The following SERGEF variants were observed in gnomAD, a reference collection of about 807,000 sequenced individuals.
SERGEF encodes secretion-regulating guanine nucleotide exchange factor.
A neutral mutation model predicts 50.0 loss-of-function variants in SERGEF; 51 were observed. The observed-to-expected ratio is 1.02, with a 90% CI of 0.81 to 1.29. SERGEF has a LOEUF of 1.29. SERGEF is among the 50% of genes most tolerant of loss of function. The pLI is 0.00. For synonymous variants in SERGEF, 205 were observed against 212.4 expected (o/e 0.97, Z 0.30); for missense variants, 521 against 557.0 (o/e 0.94, Z 0.65).
In SERGEF at chr11:18,004,488, C is replaced by T; in HGVS notation, c.400G>A (p.Gly134Arg). 1 of 1,613,960 alleles carries T rather than the reference C, an allele frequency of 6.2e-7. No individual in the cohort carries two copies. Among genetic ancestry groups the T allele is most frequent in the Non-Finnish European group, 8.5e-7 (1 of 1,179,930 alleles). Residue 134 changes from glycine to arginine, a missense_variant, in exon 4 of 11, where the codon GGA becomes AGA. Gly to Arg is a moderately radical substitution (Grantham distance 125, BLOSUM62 -2). Coordinates refer to ENST00000265965, the MANE Select transcript of SERGEF (RefSeq NM_012139.4). The part of the protein sequence containing the change: ...SCGSNSFGQL[G>R]VPHGPRRCVV... The stretch of plus-strand genomic sequence containing the variant: ...CATCTTCGAGGTCCATGAGGAACTC[C>T]TAACTGGCCAAAGGAGTTGGATCCA...
At position 18,004,482 on chromosome 11, in the gene SERGEF, G is replaced by T. The variant is rs562948295; in HGVS notation, c.406C>A (p.Pro136Thr). The change falls in exon 4 of 11, where the codon CCT (proline) becomes ACT (threonine). Residue 136 changes from proline (P) to threonine (T), a missense_variant. By Grantham distance (38) the Pro-to-Thr change is conservative (BLOSUM62 -1). Transcript: ENST00000265965. ...ACCACACATCTTCGAGGTCCATGAG[G>T]AACTCCTAACTGGCCAAAGGAGTTG... ...GSNSFGQLGV[P>T]HGPRRCVVPQ... is the part of the protein sequence containing the mutation. 2.5e-6 allele frequency: 4 copies of T among 1,613,942 alleles called. 1 individual carries two copies. In the South Asian group the frequency reaches 4.4e-5, roughly 18 times the overall value.
At chr11:17,846,836 A>G in intron 10 of SERGEF, 1 of 448,322 alleles carries the variant, frequency 2.2e-6, no homozygotes, top group Non-Finnish European at 4.5e-6. Flanking sequence ...ATAATAGATG[A>G]GCCTCCTAGT....
intron 9 of SERGEF, among the ~76,000 whole-genome samples, chr11:17,880,014 A>G (rs1395038781): frequency 6.6e-6 from 1 of 152,260 alleles, no homozygotes; most frequent in African/African-American, 2.4e-5. Context: ...AGTGTAGCTC[A>G]AAAGGCATTT....
chr11:17,864,593 T>C (rs1265334208), intron 10 of SERGEF, among the ~76,000 whole-genome samples: 1 of 152,120 alleles, frequency 6.6e-6, no homozygotes, highest in African/African-American at 2.4e-5. Flanking sequence ...GAGAGGAAAA[T>C]ATGGTGCCCC....
At chr11:17,827,135 C>G (rs1188954764) in intron 10 of SERGEF, among the ~76,000 whole-genome samples, 1 of 152,196 alleles carries the variant, frequency 6.6e-6, no homozygotes, top group Non-Finnish European at 1.5e-5. Context: ...TATCCATCTT[C>G]TTGAAGGCTC....
intron 10 of SERGEF, among the ~76,000 whole-genome samples, chr11:17,845,991 T>A (rs571514326): frequency 1.3e-5 from 2 of 152,264 alleles, no homozygotes; most frequent in African/African-American, 4.8e-5. Flanking sequence ...ATAATCTCCC[T>A]CCAACGTCAT....
intron 9 of SERGEF, among the ~76,000 whole-genome samples, chr11:17,889,065 C>T (rs1013116542): frequency 6.6e-6 from 1 of 152,162 alleles, no homozygotes; most frequent in Non-Finnish European, 1.5e-5. Flanking sequence ...GCAGGGAAAG[C>T]TCTTTCTTAT....
At chr11:17,876,226 T>C (rs951129615) in intron 10 of SERGEF, among the ~76,000 whole-genome samples, 1 of 152,142 alleles carries the variant, frequency 6.6e-6, no homozygotes, top group African/African-American at 2.4e-5. Context: ...AACCATTCAT[T>C]CAGAAGTCTG....
At chr11:17,976,882 G>A (rs1276714006) in intron 8 of SERGEF, among the ~76,000 whole-genome samples, 2 of 152,234 alleles carry the variant, frequency 1.3e-5, no homozygotes, top group Non-Finnish European at 2.9e-5. Flanking sequence ...GGACAGATGG[G>A]GAAGCCAAGG....
chr11:18,010,971 G>A (rs980666953), intron 1 of SERGEF, among the ~76,000 whole-genome samples: 13 of 152,114 alleles, frequency 8.5e-5, no homozygotes, highest in Non-Finnish European at 1.2e-4. Context: ...ATGACACATG[G>A]GCACTCTGAG....
intron 6 of SERGEF, among the ~76,000 whole-genome samples, chr11:17,994,848 C>G (rs1405692255): frequency 6.6e-6 from 1 of 152,132 alleles, no homozygotes; most frequent in South Asian, 2.1e-4. Context: ...AATTACATCA[C>G]TCCCACTGCA....
chr11:17,851,150 G>A (rs944646594), intron 10 of SERGEF, among the ~76,000 whole-genome samples: 4 of 152,186 alleles, frequency 2.6e-5, no homozygotes, highest in African/African-American at 4.8e-5. Flanking sequence ...TGCTGGCCCT[G>A]TGCTGAGGGC....
At chr11:17,827,834 C>G (rs1175105735) in intron 10 of SERGEF, among the ~76,000 whole-genome samples, 1 of 152,206 alleles carries the variant, frequency 6.6e-6, no homozygotes, top group Non-Finnish European at 1.5e-5. Context: ...TTTTTCCCCA[C>G]TGGATAAAGA....
chr11:17,907,975 G>C (rs1226464963), intron 9 of SERGEF, among the ~76,000 whole-genome samples: 1 of 152,108 alleles, frequency 6.6e-6, no homozygotes, highest in African/African-American at 2.4e-5. Flanking sequence ...CCACCTCCCT[G>C]ATATTCTGAA....
intron 10 of SERGEF, among the ~76,000 whole-genome samples, chr11:17,825,625 T>C (rs1850179672): frequency 6.6e-6 from 1 of 152,198 alleles, no homozygotes; most frequent in Non-Finnish European, 1.5e-5. Flanking sequence ...AGATACTCAT[T>C]GAATAAAGCC....
intron 4 of SERGEF, among the ~76,000 whole-genome samples, chr11:18,003,957 C>A (rs1854019802): frequency 6.6e-6 from 1 of 152,106 alleles, no homozygotes; most frequent in Non-Finnish European, 1.5e-5. Context: ...TGAATTACAG[C>A]TCAATAATGC....
intron 2 of SERGEF, among the ~76,000 whole-genome samples, chr11:18,007,195 C>G (rs1048235396): frequency 6.6e-6 from 1 of 152,188 alleles, no homozygotes; most frequent in Admixed American, 6.5e-5. Context: ...ATATATAACA[C>G]TAAATCTGGA....
At chr11:18,012,882 C>G (rs887858111) in intron 1 of SERGEF, 69 bp downstream of exon 1, 6 of 1,529,894 alleles carry the variant, frequency 3.9e-6, no homozygotes, top group Admixed American at 3.9e-5. Flanking sequence ...CTGCCCACGC[C>G]GCGGCCAGCA....
rs1254949362 is a variant in SERGEF at position 17,944,734 on chromosome 11, TTC to T, written c.1011+14734_1011+14735del. Among the ~76,000 whole-genome samples, 3 of 152,350 alleles carry T rather than the reference TTC, an allele frequency of 2.0e-5. No individual in the cohort carries two copies. In the East Asian group the frequency reaches 5.8e-4, roughly 29 times the overall value. ...CACAGATCCCGCATGAAAAACCCGC[TTC>T]TCTCTGTTTGATTAGCATGGCAGAT... On this transcript the variant is annotated intron_variant, in intron 9 of 10. Transcript: ENST00000265965.
Sources: allele counts gnomAD v4.1 joint callset (sites outside exome capture counted in the v4.1 genomes callset), GRCh38; gene constraint gnomAD v4.1.1; transcripts MANE v1.5; gene names NCBI Gene and HGNC (gene_info 2026-07-23, HGNC 2026-07-21).